Variants in PTPRT observed in about 807,000 individuals in gnomAD.
PTPRT encodes the protein protein tyrosine phosphatase receptor type T.
A neutral mutation model predicts 176.8 loss-of-function variants in PTPRT; 56 were observed. That is an observed-to-expected ratio of 0.32 (90% CI 0.26 to 0.40). The LOEUF (loss-of-function observed/expected upper bound fraction) is 0.40. Among genes scored for constraint, PTPRT ranks in the 10% least tolerant of loss-of-function variants. The pLI is 1.00. For missense variants in PTPRT, 1,540 were observed against 1,908.2 expected, an observed-to-expected ratio of 0.81 and a Z score of 3.60; for synonymous variants, 783 against 739.0, an observed-to-expected ratio of 1.06 and a Z score of -0.96.
intron 7 of PTPRT, among the ~76,000 whole-genome samples, chr20:42,632,627 T>G (rs1237826826): frequency 1.3e-5 from 2 of 150,390 alleles, no homozygotes; most frequent in African/African-American, 4.9e-5. Flanking sequence ...GTATTACTAA[T>G]TTTATATATT....
intron 15 of PTPRT, among the ~76,000 whole-genome samples, chr20:42,233,360 T>C (rs972901949): frequency 6.6e-6 from 1 of 152,180 alleles, no homozygotes; most frequent in Non-Finnish European, 1.5e-5. Context: ...GACGTCTCCA[T>C]TTCCAGGATA....
chr20:42,398,334 T>C (rs1419389537), intron 9 of PTPRT, among the ~76,000 whole-genome samples: 7 of 152,220 alleles, frequency 4.6e-5, no homozygotes, highest in Non-Finnish European at 5.9e-5. Context: ...GTAGCCATAA[T>C]GTATTAACAA....
intron 7 of PTPRT, among the ~76,000 whole-genome samples, chr20:42,521,107 A>T (rs2145496704): frequency 6.6e-6 from 1 of 151,742 alleles, no homozygotes; most frequent in Non-Finnish European, 1.5e-5. Context: ...TATCTAACCT[A>T]CCTAGTGACC....
chr20:42,320,559 T>C (rs1006680490), intron 11 of PTPRT, among the ~76,000 whole-genome samples: 2 of 152,186 alleles, frequency 1.3e-5, no homozygotes, highest in African/African-American at 4.8e-5. Flanking sequence ...GAAGGAGGCA[T>C]GTCTGAGTTC....
rs186554120 is a variant in PTPRT, at chr20:43,160,373, G to T, written c.88+29273C>A. 1.2e-3 allele frequency among the ~76,000 whole-genome samples: 188 copies of T among 152,304 alleles called. 1 individual carries two copies. The highest frequency in any genetic ancestry group is 4.2e-3 in the African/African-American group (176 of 41,558). On this transcript the variant is annotated intron_variant, in intron 1 of 30. Coordinates refer to ENST00000373187, the MANE Select transcript of PTPRT (RefSeq NM_007050.6). ...CTACTCTCTGTTTAGAGTTAGCAAC[G>T]GTCCCAAAGACTGGCATCTTGCTGC...
intron 5 of PTPRT, among the ~76,000 whole-genome samples, chr20:42,758,449 C>T (rs771812412): frequency 7.9e-5 from 12 of 152,152 alleles, no homozygotes; most frequent in Non-Finnish European, 1.0e-4. Flanking sequence ...CCCAGGGTAT[C>T]CCAGGCCCCC....
chr20:42,413,511 T>A (rs1284159139), intron 9 of PTPRT, among the ~76,000 whole-genome samples: 2 of 152,192 alleles, frequency 1.3e-5, no homozygotes, highest in African/African-American at 2.4e-5. Context: ...ATCTTACTTA[T>A]GAATATGGAC....
At chr20:42,725,794 T>C (rs1373877436) in intron 6 of PTPRT, among the ~76,000 whole-genome samples, 1 of 152,000 alleles carries the variant, frequency 6.6e-6, no homozygotes, top group Non-Finnish European at 1.5e-5. Flanking sequence ...AAATACCATT[T>C]GACCCAGCAA....
At chr20:42,435,689 T>C (rs1212377476) in intron 9 of PTPRT, among the ~76,000 whole-genome samples, 1 of 152,178 alleles carries the variant, frequency 6.6e-6, no homozygotes, top group Non-Finnish European at 1.5e-5. Context: ...AGATTGAATA[T>C]CATAAAATGT....
chr20:43,140,501 C>T (rs1022096162), intron 1 of PTPRT, among the ~76,000 whole-genome samples: 1 of 145,616 alleles, frequency 6.9e-6, no homozygotes. Context: ...TGTGTACATA[C>T]ATGCACGTGT....
At chr20:42,711,949 ACT>A (rs1287141949) in intron 6 of PTPRT, among the ~76,000 whole-genome samples, 2 of 151,704 alleles carry the variant, frequency 1.3e-5, no homozygotes, top group Non-Finnish European at 2.9e-5. Context: ...ACAGCCCATG[ACT>A]CTCATTCACT....
intron 12 of PTPRT, among the ~76,000 whole-genome samples, chr20:42,299,749 G>A (rs1192287946): frequency 1.4e-5 from 2 of 138,934 alleles, no homozygotes; most frequent in Non-Finnish European, 3.0e-5. Flanking sequence ...CTGGTTTCAA[G>A]CGATTCTCCT....
chr20:43,037,214 G>A (rs1986418441), intron 1 of PTPRT, among the ~76,000 whole-genome samples: 1 of 152,178 alleles, frequency 6.6e-6, no homozygotes, highest in Admixed American at 6.5e-5. Flanking sequence ...TTTATGGCGT[G>A]TTATGAAACA....
Position 42,831,159 on chromosome 20 carries a change from C to T in PTPRT, c.215-39693G>A, listed in dbSNP as rs745868019. On this transcript the variant is annotated intron_variant, in intron 2 of 30. Coordinates refer to ENST00000373187, the MANE Select transcript of PTPRT (RefSeq NM_007050.6). Reference sequence around the variant, plus strand: ...CAGGGCTACAGTAAATAAAACAGCACGGTATAGGTACCAAAACAGATCTAT... The same window carrying T: ...CAGGGCTACAGTAAATAAAACAGCATGGTATAGGTACCAAAACAGATCTAT... Among the ~76,000 whole-genome samples, 105 of 152,170 alleles carry T rather than the reference C, an allele frequency of 6.9e-4. 1 individual carries two copies. Among genetic ancestry groups the T allele is most frequent in the South Asian group, 3.7e-3 (18 of 4,818 alleles).
chr20:42,062,432 G>A, the PTPRT span, among the ~76,000 whole-genome samples: 1 of 152,208 alleles, frequency 6.6e-6, no homozygotes. Context: ...TCTGCTCTAG[G>A]TCTGTCTCTC....
chr20:42,675,009 T>A (rs2075476228), intron 7 of PTPRT, among the ~76,000 whole-genome samples: 1 of 152,228 alleles, frequency 6.6e-6, no homozygotes, highest in Non-Finnish European at 1.5e-5. Context: ...AGGAGAAACC[T>A]GCACCCAGCA....
intron 13 of PTPRT, among the ~76,000 whole-genome samples, chr20:42,258,579 T>G (rs1232671830): frequency 6.6e-6 from 1 of 152,208 alleles, no homozygotes; most frequent in East Asian, 1.9e-4. Context: ...GTCTCCAATA[T>G]TCTTTCTTTG....
intron 16 of PTPRT, among the ~76,000 whole-genome samples, chr20:42,172,271 A>G (rs1990110538): frequency 1.3e-5 from 2 of 149,328 alleles, no homozygotes; most frequent in African/African-American, 2.6e-5. Flanking sequence ...AGAGGAGCTG[A>G]AAAAAAACAG....
chr20:42,124,897 G>A (rs894147096), intron 19 of PTPRT, among the ~76,000 whole-genome samples: 8 of 151,982 alleles, frequency 5.3e-5, no homozygotes, highest in East Asian at 1.9e-4. Flanking sequence ...TGTATGGATC[G>A]CGCCATGGGC....
Sources: allele counts gnomAD v4.1 joint callset (sites outside exome capture counted in the v4.1 genomes callset), GRCh38; gene constraint gnomAD v4.1.1; transcripts MANE v1.5; gene names NCBI Gene and HGNC (gene_info 2026-07-23, HGNC 2026-07-21).